The following CLIC5 variants were observed in gnomAD, a reference collection of about 807,000 sequenced individuals.
The protein encoded by CLIC5 is chloride intracellular channel protein 5.
A neutral mutation model predicts 24.7 loss-of-function variants in CLIC5; 20 were observed. The observed-to-expected ratio is 0.81, with a 90% CI of 0.57 to 1.18. The LOEUF (loss-of-function observed/expected upper bound fraction) is 1.18. CLIC5 is among the 50% of genes most tolerant of loss of function. CLIC5 has a pLI of 0.00. For missense variants in CLIC5, 341 were observed against 326.1 expected (o/e 1.05, Z -0.35); for synonymous variants, 159 against 135.6 (o/e 1.17, Z -1.20).
At chr6:45,928,797 G>GTGT (rs1763609662) in intron 4 of CLIC5, among the ~76,000 whole-genome samples, 2 of 74,378 alleles carry the variant, frequency 2.7e-5, no homozygotes, top group South Asian at 4.2e-4. Context: ...TGTGTGTGTA[G>GTGT]AGAGAGAGAG....
chr6:45,894,979 G>C (rs1277152054), downstream of CLIC5, among the ~76,000 whole-genome samples: 1 of 152,018 alleles, frequency 6.6e-6, no homozygotes, highest in Non-Finnish European at 1.5e-5. Flanking sequence ...GTTTATCATG[G>C]GGACAGGAAG....
At chr6:45,982,164 A>G (rs1175476085) in intron 1 of CLIC5, among the ~76,000 whole-genome samples, 2 of 152,074 alleles carry the variant, frequency 1.3e-5, no homozygotes, top group Non-Finnish European at 2.9e-5. Context: ...TAGCTGTAGA[A>G]CCTGTAGTTT....
Position 46,021,710 on chromosome 6 carries a change from T to C in CLIC5, c.540+57993A>G, listed in dbSNP as rs188241576. ...AAAGGTTACTTACTGTATGGTTTCA[T>C]TTACATGACATTCTGGAAAATAAAA... On this transcript the variant is annotated intron_variant, in intron 1 of 5. Coordinates refer to the CLIC5 transcript ENST00000185206. Among the ~76,000 whole-genome samples the C allele has an allele frequency of 5.7e-3, 874 of 152,308 alleles. 6 individuals are homozygous for C. The highest frequency in any genetic ancestry group is 0.02 in the African/African-American group (828 of 41,552).
At chr6:45,896,824 A>G (rs903338477), downstream of CLIC5, among the ~76,000 whole-genome samples, 6 of 152,174 alleles carry the variant, frequency 3.9e-5, no homozygotes, top group African/African-American at 1.4e-4. Flanking sequence ...GCTCTTGGTC[A>G]GCCTGGAGAG....
At chr6:46,042,500 C>T (rs1406705022) in intron 1 of CLIC5, among the ~76,000 whole-genome samples, 1 of 152,128 alleles carries the variant, frequency 6.6e-6, no homozygotes, top group African/African-American at 2.4e-5. Context: ...GGCACTGAGG[C>T]CACTCGGGGT....
intron 1 of CLIC5, among the ~76,000 whole-genome samples, chr6:46,006,000 TTATA>T (rs1265097108): frequency 7.4e-4 from 79 of 106,160 alleles, no homozygotes; most frequent in Middle Eastern, 0.011. Flanking sequence ...ATATATATAT[TTATA>T]TATATATATA....
upstream of CLIC5, among the ~76,000 whole-genome samples, chr6:46,020,435 T>C (rs377674653): frequency 6.6e-6 from 1 of 152,076 alleles, no homozygotes; most frequent in Admixed American, 6.5e-5. Flanking sequence ...CAACGCTTAG[T>C]AGAAATTTAT....
intron 1 of CLIC5, among the ~76,000 whole-genome samples, chr6:46,044,462 T>C (rs1481311134): frequency 6.6e-6 from 1 of 152,170 alleles, no homozygotes; most frequent in Admixed American, 6.5e-5. Flanking sequence ...ACCAGGCCTG[T>C]CCAGAAATTT....
At chr6:46,030,216 C>A (rs531185916) in intron 1 of CLIC5, among the ~76,000 whole-genome samples, 1 of 152,220 alleles carries the variant, frequency 6.6e-6, no homozygotes, top group East Asian at 1.9e-4. Context: ...CTGTCCATAT[C>A]CCGCATTTTC....
rs540843131 is a variant in CLIC5, at chr6:46,079,272, C to T, written c.540+431G>A. On this transcript the variant is annotated intron_variant, in intron 1 of 5. Transcript: ENST00000185206. Reference sequence around the variant, plus strand: ...AGTGACAGAGATAGCCTTTATTGACCACCTATCTGACAAATCTGTGACCTT... The same window carrying T: ...AGTGACAGAGATAGCCTTTATTGACTACCTATCTGACAAATCTGTGACCTT... 5.3e-5 allele frequency among the ~76,000 whole-genome samples: 8 copies of T among 152,252 alleles called. No individual in the cohort carries two copies. In the South Asian group the frequency reaches 1.7e-3, roughly 32 times the overall value.
In CLIC5 at chr6:45,887,573, TG is replaced by T. The variant is rs34679488; in HGVS notation, c.624-6386del. ...AGCTTTATATCTCAAGCATAGTTTTTGGGGGGACACAATTCAACCTATAAGG... is the reference window on the plus strand; with the variant it reads ...AGCTTTATATCTCAAGCATAGTTTTTGGGGGACACAATTCAACCTATAAGG... On this transcript the variant is annotated intron_variant, in intron 6 of 6. Transcript: ENST00000644324. Among the ~76,000 whole-genome samples, 1,467 of 152,276 alleles carry T rather than the reference TG, an allele frequency of 9.6e-3. 18 individuals carry two copies. The highest frequency in any genetic ancestry group is 0.027 in the African/African-American group (1,104 of 41,552).
chr6:46,127,353 C>G, the CLIC5 span, among the ~76,000 whole-genome samples: 1 of 152,108 alleles, frequency 6.6e-6, no homozygotes, highest in South Asian at 2.1e-4. Context: ...TTTGCTCAGT[C>G]ATTTCTCTGT....
intron 1 of CLIC5, among the ~76,000 whole-genome samples, chr6:46,061,621 A>C (rs185512492): frequency 2.6e-5 from 4 of 152,354 alleles, no homozygotes; most frequent in Admixed American, 2.0e-4. Context: ...AAGTTTCTGC[A>C]GCTTTGATGG....
upstream of CLIC5, among the ~76,000 whole-genome samples, chr6:46,081,114 GA>G (rs1219891554): frequency 6.6e-6 from 1 of 152,156 alleles, no homozygotes; most frequent in Non-Finnish European, 1.5e-5. Context: ...TAAAACCGAG[GA>G]AAAACTATTT....
At position 45,903,216 on chromosome 6, in the gene CLIC5, C is replaced by T. The variant is rs1448843086; in HGVS notation, c.628G>A (p.Glu210Lys). 2 of 1,610,476 alleles carry T rather than the reference C, an allele frequency of 1.2e-6. No homozygotes were observed. The highest frequency in any genetic ancestry group is 2.7e-5 in the African/African-American group (2 of 74,762). ...AGGTACCGCCACAGGCCTGTCATCTCAGCCGGGATATCATAGTTGCGGTAT... is the reference window on the plus strand; with the variant it reads ...AGGTACCGCCACAGGCCTGTCATCTTAGCCGGGATATCATAGTTGCGGTAT... Reference protein sequence around the residue: ...KKYRNYDIPAEMTGLWRYLKN... With the variant: ...KKYRNYDIPAKMTGLWRYLKN... Residue 210 changes from glutamate to lysine, a missense_variant, in exon 6 of 6, where the codon GAG becomes AAG. Transcript: ENST00000339561.
intron 1 of CLIC5, among the ~76,000 whole-genome samples, chr6:46,062,962 C>T (rs1161284224): frequency 6.6e-6 from 1 of 152,144 alleles, no homozygotes; most frequent in African/African-American, 2.4e-5. Flanking sequence ...GCATCTGTTT[C>T]CCTGTTTTCT....
chr6:46,100,004 C>G, the CLIC5 span, among the ~76,000 whole-genome samples: 1 of 151,180 alleles, frequency 6.6e-6, no homozygotes, highest in African/African-American at 2.4e-5. Flanking sequence ...AAAAACGGGG[C>G]TGAGACCTCG....
chr6:45,988,661 A>G lies in CLIC5; in HGVS notation c.63+26819T>C, dbSNP rs9472644. The stretch of plus-strand genomic sequence containing the variant: ...ATCCTTGTTTTAGCAGGGTTCTATT[A>G]AATTGCCTTCAAAGGTTAAGTTTAG... On this transcript the variant is annotated intron_variant, in intron 1 of 5. Coordinates refer to ENST00000339561, the MANE Select transcript of CLIC5 (RefSeq NM_016929.5). Among the ~76,000 whole-genome samples, 1,140 of 152,348 alleles carry G rather than the reference A, an allele frequency of 7.5e-3. 13 individuals are homozygous for G. Among genetic ancestry groups the G allele is most frequent in the African/African-American group, 0.026 (1,095 of 41,566 alleles).
At chr6:46,079,913 T>C (rs1308784620) in exon 1 of CLIC5, 1 of 1,551,882 alleles carries the variant, frequency 6.4e-7, no homozygotes, top group Non-Finnish European at 8.7e-7. Flanking sequence ...TTGATGAATA[T>C]AACCCTTCCA....
Sources: allele counts gnomAD v4.1 joint callset (sites outside exome capture counted in the v4.1 genomes callset), GRCh38; gene constraint gnomAD v4.1.1; transcripts MANE v1.5; gene names NCBI Gene and HGNC (gene_info 2026-07-23, HGNC 2026-07-21).